Variants in USP32 observed in about 807,000 individuals in gnomAD.
USP32 encodes the protein ubiquitin carboxyl-terminal hydrolase 32.
A neutral mutation model predicts 204.8 loss-of-function variants in USP32; 59 were observed. The observed-to-expected ratio is 0.29, with a 90% CI of 0.23 to 0.36. The LOEUF is 0.36. Ranked by LOEUF, USP32 falls within the 10% of genes least tolerant of loss-of-function variation. USP32 has a pLI of 1.00. For synonymous variants in USP32, 517 were observed against 678.4 expected (o/e 0.76, Z 3.70); for missense variants, 1,160 against 1,946.4 (o/e 0.60, Z 7.60).
intron 28 of USP32, 82 bp from the exon 29 acceptor site, chr17:60,190,765 C>CCTA (rs2084359901): frequency 6.5e-7 from 1 of 1,537,648 alleles, no homozygotes. Context: ...ATTCTCCCTT[C>CCTA]CTACTTTTCT....
At chr17:60,410,229 G>A (rs2143073164) in intron 1 of USP32, among the ~76,000 whole-genome samples, 1 of 152,258 alleles carries the variant, frequency 6.6e-6, no homozygotes, top group Middle Eastern at 3.4e-3. Flanking sequence ...CACATAGGAA[G>A]AAACTGGCTC....
intron 11 of USP32, among the ~76,000 whole-genome samples, chr17:60,238,328 C>A (rs908206379): frequency 2.6e-5 from 4 of 152,016 alleles, no homozygotes; most frequent in Non-Finnish European, 5.9e-5. Context: ...ATCTCCCATT[C>A]TATAGGTTTT....
intron 1 of USP32, among the ~76,000 whole-genome samples, chr17:60,402,629 A>G (rs193032943): frequency 1.1e-4 from 16 of 152,356 alleles, no homozygotes; most frequent in Admixed American, 4.6e-4. Context: ...CTTTGCTTAC[A>G]TGAGTATACC....
chr17:60,250,177 T>G (rs1470019317), intron 11 of USP32, among the ~76,000 whole-genome samples: 2 of 152,194 alleles, frequency 1.3e-5, no homozygotes, highest in Non-Finnish European at 2.9e-5. Context: ...TTTCAGGTCC[T>G]CAACTTCTAT....
At chr17:60,185,740 C>T (rs1200663516) in intron 29 of USP32, 89 bp from the exon 30 acceptor site, 17 of 1,451,860 alleles carry the variant, frequency 1.2e-5, no homozygotes, top group Non-Finnish European at 1.5e-5. Flanking sequence ...TGGTCACTCA[C>T]CCTTATTTTA....
intron 15 of USP32, among the ~76,000 whole-genome samples, chr17:60,220,647 C>CTT (rs903177829): frequency 7.1e-6 from 1 of 141,274 alleles, no homozygotes; most frequent in Non-Finnish European, 1.6e-5. Flanking sequence ...ACTGAAACTC[C>CTT]TTTTTTTTTT....
At position 60,226,217 on chromosome 17, in the gene USP32, C is replaced by G; in HGVS notation, c.1254G>C (p.Val418=). 1 of 1,548,852 alleles carries G rather than the reference C, an allele frequency of 6.5e-7. No homozygotes were observed. Among genetic ancestry groups the G allele is most frequent in the Non-Finnish European group, 8.7e-7 (1 of 1,154,726 alleles). The stretch of plus-strand genomic sequence containing the variant: ...TCAAAACAGATGATGGCTCAATTAC[C>G]ACAGGGTTGGCATCCTAAAATCAGG... ...KEYVKYDANP[V]VIEPSSVLNG... The change falls in exon 13 of 34, where the codon GTG becomes GTC. Residue 418 remains valine (V), a synonymous_variant. Transcript: ENST00000300896.
chr17:60,397,268 A>G (rs1191166465), intron 1 of USP32, among the ~76,000 whole-genome samples: 1 of 152,236 alleles, frequency 6.6e-6, no homozygotes, highest in East Asian at 1.9e-4. Context: ...ATGCTTTCTT[A>G]GATATTTGAG....
At chr17:60,277,476 C>T (rs2086866499) in intron 5 of USP32, among the ~76,000 whole-genome samples, 1 of 152,184 alleles carries the variant, frequency 6.6e-6, no homozygotes, top group African/African-American at 2.4e-5. Context: ...AGGAGAGGCA[C>T]ACAGATTTAC....
At chr17:60,390,153 A>T (rs1176252578) in intron 1 of USP32, among the ~76,000 whole-genome samples, 2 of 152,242 alleles carry the variant, frequency 1.3e-5, no homozygotes, top group African/African-American at 4.8e-5. Context: ...TTCCAGTCAG[A>T]TCAGTTTAAA....
intron 2 of USP32, among the ~76,000 whole-genome samples, chr17:60,309,537 T>C (rs1373123390): frequency 1.3e-5 from 2 of 151,998 alleles, no homozygotes; most frequent in Non-Finnish European, 2.9e-5. Context: ...AGGAGGCCGA[T>C]GTTGCAGTGG....
chr17:60,294,274 T>C lies in USP32; in HGVS notation c.411+409A>G, dbSNP rs999730634. Reference sequence around the variant, plus strand: ...CAACTAGGTGAAATAAATGACAAAATAGGCTTTGATAAAACAGGTCACAGA... The same window carrying C: ...CAACTAGGTGAAATAAATGACAAAACAGGCTTTGATAAAACAGGTCACAGA... On this transcript the variant is annotated intron_variant, in intron 4 of 33. Coordinates refer to ENST00000300896, the MANE Select transcript of USP32 (RefSeq NM_032582.4). Among the ~76,000 whole-genome samples, 5 of 152,078 alleles carry C rather than the reference T, an allele frequency of 3.3e-5. No individual in the cohort carries two copies. The South Asian group carries it at 8.3e-4, about 25-fold the overall frequency.
At chr17:60,316,250 CAAAAAA>C in intron 2 of USP32, 1 of 143,246 alleles carries the variant, frequency 7.0e-6, no homozygotes, top group South Asian at 2.0e-4. Flanking sequence ...ATTTCATTCT[CAAAAAA>C]AAAAAAAAAT....
intron 11 of USP32, among the ~76,000 whole-genome samples, chr17:60,242,417 T>C (rs1220318030): frequency 6.6e-6 from 1 of 152,168 alleles, no homozygotes; most frequent in Non-Finnish European, 1.5e-5. Context: ...AAGGGTTTCC[T>C]TTTTTTCTTT....
intron 11 of USP32, among the ~76,000 whole-genome samples, chr17:60,239,323 T>TTA (rs1365396908): frequency 4.6e-5 from 7 of 151,956 alleles, no homozygotes; most frequent in Non-Finnish European, 7.4e-5. Flanking sequence ...GTGGATCACT[T>TTA]TGTTTATCTT....
At chr17:60,347,564 A>C (rs1370230107) in intron 1 of USP32, among the ~76,000 whole-genome samples, 1 of 151,186 alleles carries the variant, frequency 6.6e-6, no homozygotes, top group Non-Finnish European at 1.5e-5. Context: ...TGTGTTAGCC[A>C]GGATGGTCTC....
chr17:60,186,034 CAG>C (rs1415225285), intron 29 of USP32: 1 of 161,838 alleles, frequency 6.2e-6, no homozygotes, highest in Non-Finnish European at 1.3e-5. Flanking sequence ...GCCTGGATGA[CAG>C]AGAGAGACCC....
Position 60,181,380 on chromosome 17 carries a change from C to G in USP32, c.4492G>C (p.Asp1498His). Residue 1498 changes from aspartate to histidine, a missense_variant, in exon 32 of 34, where the codon GAT becomes CAT. Asp to His is a moderately conservative substitution (Grantham distance 81). This residue lies in a region of USP32 where 244 missense variants were observed against 342.3 expected (regional missense o/e 0.71). Coordinates refer to ENST00000300896, the MANE Select transcript of USP32 (RefSeq NM_032582.4). ...ATACGAGTATCTTCTCTTTGGTCAT[C>G]AGTGCTGTCTTCTTCACTGTGGTTT... is the stretch of plus-strand genomic sequence containing the variant. Reference protein sequence around the residue: ...LGNHSEEDSTDDQREDTRIKP... With the variant: ...LGNHSEEDSTHDQREDTRIKP... The G allele has an allele frequency of 6.2e-7, 1 of 1,613,918 alleles. No homozygotes were observed.
At chr17:60,392,231 T>G, upstream of USP32, 9 of 340,154 alleles carry the variant, frequency 2.6e-5, no homozygotes, top group Middle Eastern at 8.7e-4. Flanking sequence ...CTCTTGCCAC[T>G]TCCGCCCCCT....
Sources: allele counts gnomAD v4.1 joint callset (sites outside exome capture counted in the v4.1 genomes callset), GRCh38; gene constraint gnomAD v4.1.1; regional missense constraint gnomAD v4.1.1; transcripts MANE v1.5; gene names NCBI Gene and HGNC (gene_info 2026-07-23, HGNC 2026-07-21).